LINGO2: variants seen among roughly 807,000 people sequenced by gnomAD.
LINGO2 encodes leucine-rich repeat and immunoglobulin-like domain-containing nogo receptor-interacting protein 2.
Under a neutral mutation model 30.6 loss-of-function variants are expected in LINGO2, and 14 were observed. That is an observed-to-expected ratio of 0.46 (90% CI 0.30 to 0.72). The LOEUF is 0.72. Among genes scored for constraint, LINGO2 ranks in the 30% least tolerant of loss-of-function variants. The pLI, the probability that LINGO2 is intolerant of heterozygous loss-of-function variation, is 0.07. For synonymous variants in LINGO2, 317 were observed against 288.5 expected, an observed-to-expected ratio of 1.10 and a Z score of -1.00; for missense variants, 729 against 751.7, an observed-to-expected ratio of 0.97 and a Z score of 0.35.
At chr9:29,204,734 T>A in the LINGO2 span, among the ~76,000 whole-genome samples, 1 of 152,230 alleles carries the variant, frequency 6.6e-6, no homozygotes, top group African/African-American at 2.4e-5. Context: ...GTTTTTTCAA[T>A]TATTTAATAA....
At chr9:29,093,029 G>GTATATA in the LINGO2 span, among the ~76,000 whole-genome samples, 397 of 98,540 alleles carry the variant, frequency 4.0e-3, 27 homozygotes, top group African/African-American at 0.015. Flanking sequence ...TAATGTGTGT[G>GTATATA]TATATATATA....
the LINGO2 span, among the ~76,000 whole-genome samples, chr9:28,996,103 A>T: frequency 2.1e-5 from 3 of 139,888 alleles, no homozygotes; most frequent in Non-Finnish European, 3.0e-5. Context: ...GTGAATGAAG[A>T]TTTATATATT....
chr9:28,855,424 T>C, the LINGO2 span, among the ~76,000 whole-genome samples: 4 of 152,062 alleles, frequency 2.6e-5, no homozygotes, highest in Admixed American at 1.3e-4. Context: ...ATTTTGCTTT[T>C]ATCATCAATA....
the LINGO2 span, among the ~76,000 whole-genome samples, chr9:29,052,305 C>G: frequency 6.6e-6 from 1 of 152,258 alleles, no homozygotes; most frequent in African/African-American, 2.4e-5. Context: ...CTAAGCACTT[C>G]TATACCAGCA....
intron 4 of LINGO2, among the ~76,000 whole-genome samples, chr9:28,037,157 T>G: frequency 6.6e-6 from 1 of 152,164 alleles, no homozygotes; most frequent in East Asian, 1.9e-4. Flanking sequence ...TGGAATAAAA[T>G]AACCACATAA....
intron 3 of LINGO2, among the ~76,000 whole-genome samples, chr9:28,302,867 T>C (rs1019177027): frequency 6.6e-6 from 1 of 152,170 alleles, no homozygotes; most frequent in African/African-American, 2.4e-5. Context: ...AGACAGGTAC[T>C]ACTTCCATTT....
chr9:28,544,546 T>G (rs1405944929), intron 1 of LINGO2, among the ~76,000 whole-genome samples: 1 of 152,082 alleles, frequency 6.6e-6, no homozygotes, highest in Non-Finnish European at 1.5e-5. Flanking sequence ...CAATTGCATT[T>G]GCAAAGGACC....
the LINGO2 span, among the ~76,000 whole-genome samples, chr9:29,117,923 G>A: frequency 2.6e-5 from 4 of 152,090 alleles, no homozygotes; most frequent in African/African-American, 4.8e-5. Flanking sequence ...TCCCACAAGC[G>A]TACTGGAATG....
intron 4 of LINGO2, among the ~76,000 whole-genome samples, chr9:28,212,895 G>C (rs1441627939): frequency 6.6e-6 from 1 of 151,344 alleles, no homozygotes; most frequent in East Asian, 1.9e-4. Context: ...TGTTTATCAA[G>C]GAATTTGTCT....
chr9:28,206,164 CAAAAAAAAAAAAAAA>C (rs34169188), intron 4 of LINGO2, among the ~76,000 whole-genome samples: 7 of 73,524 alleles, frequency 9.5e-5, no homozygotes, highest in Non-Finnish European at 1.5e-4. Context: ...GACCCTGTTT[CAAAAAAAAAAAAAAA>C]AAAAAAAAAA....
chr9:28,627,453 C>T (rs1000890294), intron 1 of LINGO2, among the ~76,000 whole-genome samples: 3 of 152,034 alleles, frequency 2.0e-5, no homozygotes, highest in Admixed American at 6.6e-5. Flanking sequence ...ACTTACCTTC[C>T]TATGCTTCAA....
chr9:28,722,739 T>G, the LINGO2 span, among the ~76,000 whole-genome samples: 2 of 152,142 alleles, frequency 1.3e-5, no homozygotes, highest in African/African-American at 2.4e-5. Context: ...CGACAACCTT[T>G]GCTGTTGGAT....
the LINGO2 span, among the ~76,000 whole-genome samples, chr9:28,703,069 A>G: frequency 2.6e-5 from 4 of 151,590 alleles, no homozygotes; most frequent in South Asian, 2.1e-4. Context: ...TTGAAAAACT[A>G]CGTTTTTGTC....
At chr9:29,041,667 T>C in the LINGO2 span, among the ~76,000 whole-genome samples, 1 of 152,002 alleles carries the variant, frequency 6.6e-6, no homozygotes, top group African/African-American at 2.4e-5. Context: ...AAATGTGTCA[T>C]GAACTTAGGT....
intron 1 of LINGO2, among the ~76,000 whole-genome samples, chr9:28,660,230 T>C (rs1280717136): frequency 6.6e-6 from 1 of 152,104 alleles, no homozygotes; most frequent in Non-Finnish European, 1.5e-5. Context: ...CTAGTGTTTA[T>C]ATTAGAAATT....
At chr9:28,311,399 T>A (rs1015154310) in intron 3 of LINGO2, among the ~76,000 whole-genome samples, 2 of 152,120 alleles carry the variant, frequency 1.3e-5, no homozygotes, top group Non-Finnish European at 2.9e-5. Context: ...CAAAATTTAT[T>A]AGGCGGGAAT....
chr9:28,138,712 C>G (rs1827591339), intron 4 of LINGO2, among the ~76,000 whole-genome samples: 1 of 152,104 alleles, frequency 6.6e-6, no homozygotes, highest in Non-Finnish European at 1.5e-5. Context: ...CTTACTAATG[C>G]TAATATTAAC....
chr9:28,572,979 T>C (rs1199110743), intron 1 of LINGO2, among the ~76,000 whole-genome samples: 1 of 152,178 alleles, frequency 6.6e-6, no homozygotes, highest in Non-Finnish European at 1.5e-5. Flanking sequence ...GACAGAGTCA[T>C]GGCATTTAAT....
the LINGO2 span, among the ~76,000 whole-genome samples, chr9:28,727,502 A>G: frequency 6.6e-6 from 1 of 152,016 alleles, no homozygotes; most frequent in African/African-American, 2.4e-5. Context: ...GTTAGCCAGG[A>G]TGGTCTCAAT....
Sources: allele counts gnomAD v4.1 joint callset (sites outside exome capture counted in the v4.1 genomes callset), GRCh38; gene constraint gnomAD v4.1.1; transcripts MANE v1.5; gene names NCBI Gene and HGNC (gene_info 2026-07-23, HGNC 2026-07-21).